Variants in MACROD1 observed in about 807,000 individuals in gnomAD.
MACROD1 encodes the protein mono-ADP ribosylhydrolase 1, also known as ADP-ribose glycohydrolase MACROD1.
A neutral mutation model predicts 41.4 loss-of-function variants in MACROD1; 31 were observed. That is an observed-to-expected ratio of 0.75 (90% CI 0.56 to 1.01). The LOEUF (loss-of-function observed/expected upper bound fraction) is 1.01. MACROD1 is among the 50% of genes least tolerant of loss of function. The pLI, the probability that MACROD1 is intolerant of heterozygous loss-of-function variation, is 0.00. For synonymous variants in MACROD1, 252 were observed against 203.4 expected (o/e 1.24, Z -2.03); for missense variants, 473 against 460.0 (o/e 1.03, Z -0.26).
chr11:64,077,272 G>A (rs1234444068), intron 3 of MACROD1, among the ~76,000 whole-genome samples: 1 of 152,180 alleles, frequency 6.6e-6, no homozygotes, highest in African/African-American at 2.4e-5. Flanking sequence ...GGTACCCCAG[G>A]CGGCCAGCTG....
At chr11:64,057,663 G>A (rs1020950480) in intron 3 of MACROD1, among the ~76,000 whole-genome samples, 2 of 152,222 alleles carry the variant, frequency 1.3e-5, no homozygotes, top group Admixed American at 1.3e-4. Flanking sequence ...GGGGGCTACA[G>A]GGTCCCCAGG....
At chr11:64,079,658 G>A (rs566246380) in intron 3 of MACROD1, among the ~76,000 whole-genome samples, 1 of 152,300 alleles carries the variant, frequency 6.6e-6, no homozygotes, top group East Asian at 1.9e-4. Context: ...CAAAGCCTGT[G>A]GGAGCAGAGA....
chr11:64,105,493 G>A lies in MACROD1; in HGVS notation c.517+45746C>T, dbSNP rs192646426. Among the ~76,000 whole-genome samples, 8 of 152,296 alleles carry A rather than the reference G, an allele frequency of 5.3e-5. No individual in the cohort carries two copies. The East Asian group carries it at 1.3e-3, about 26-fold the overall frequency. ...CCCTCCCTGTATGCCTCCCCTTTCT[G>A]CACTGGGGATGCAGCCTGTCCCCTC... On this transcript the variant is annotated intron_variant, in intron 3 of 10. Transcript: ENST00000255681.
Position 64,024,232 on chromosome 11 carries a change from A to AC in MACROD1, c.518-8952dup, listed in dbSNP as rs1259921492. 2.6e-5 allele frequency among the ~76,000 whole-genome samples: 4 copies of AC among 152,350 alleles called. No individual in the cohort carries two copies. In the South Asian group the frequency reaches 8.3e-4, roughly 32 times the overall value. On this transcript the variant is annotated intron_variant, in intron 3 of 10. Transcript: ENST00000255681. ...CGCCCCATTCCCATGGCCCTGAAGG[A>AC]CCTTCCAGACTTTAAAACGAAACAA... is the stretch of plus-strand genomic sequence containing the variant.
intron 1 of MACROD1, among the ~76,000 whole-genome samples, chr11:64,163,307 A>AT (rs992667108): frequency 3.3e-5 from 5 of 152,180 alleles, no homozygotes; most frequent in Non-Finnish European, 4.4e-5. Flanking sequence ...TCAAAAAAAA[A>AT]TTTTTTTAAG....
chr11:64,029,474 G>A (rs569995601), intron 3 of MACROD1, among the ~76,000 whole-genome samples: 1 of 152,168 alleles, frequency 6.6e-6, no homozygotes, highest in East Asian at 1.9e-4. Context: ...GATGTCTTGG[G>A]GCTGCCACCC....
At chr11:64,062,164 T>C (rs1030569088) in intron 3 of MACROD1, among the ~76,000 whole-genome samples, 1 of 152,074 alleles carries the variant, frequency 6.6e-6, no homozygotes, top group Non-Finnish European at 1.5e-5. Context: ...CAGGGATTCC[T>C]CTGGCTGAGC....
intron 4 of MACROD1, among the ~76,000 whole-genome samples, chr11:64,007,328 C>T (rs1942930059): frequency 6.6e-6 from 1 of 152,122 alleles, no homozygotes; most frequent in Non-Finnish European, 1.5e-5. Context: ...TGGAGCTGGC[C>T]CCGAGGAAGG....
At chr11:64,018,135 C>T (rs531472946) in intron 3 of MACROD1, among the ~76,000 whole-genome samples, 1 of 152,262 alleles carries the variant, frequency 6.6e-6, no homozygotes, top group East Asian at 1.9e-4. Flanking sequence ...GGATTTGCCA[C>T]AGGCAGGAGA....
At chr11:64,001,715 G>A (rs1174450595) in intron 4 of MACROD1, 1 of 702,348 alleles carries the variant, frequency 1.4e-6, no homozygotes, top group South Asian at 1.5e-5. Context: ...CTCCTCTGCA[G>A]GGAGAAAGGC....
chr11:64,117,362 C>T, intron 3 of MACROD1: 1 of 1,613,412 alleles, frequency 6.2e-7, no homozygotes, highest in East Asian at 2.2e-5. Context: ...AGGTCCGGGG[C>T]ATGGCCATCA....
chr11:64,049,093 GGGTGA>G (rs1943641993), intron 3 of MACROD1, among the ~76,000 whole-genome samples: 1 of 152,202 alleles, frequency 6.6e-6, no homozygotes, highest in Non-Finnish European at 1.5e-5. Context: ...TGCACTTTGT[GGGTGA>G]GGTATTACAT....
chr11:64,015,230 C>G, intron 4 of MACROD1, 22 bp downstream of exon 4: 1 of 1,591,154 alleles, frequency 6.3e-7, no homozygotes, highest in Non-Finnish European at 8.6e-7. Flanking sequence ...CCCACCCCCA[C>G]CAAGACAGAA....
chr11:64,160,437 G>A (rs1945736540), intron 1 of MACROD1, among the ~76,000 whole-genome samples: 1 of 152,180 alleles, frequency 6.6e-6, no homozygotes, highest in Non-Finnish European at 1.5e-5. Context: ...GATCCTCTCA[G>A]GCAGACAAGT....
Position 64,145,102 on chromosome 11 carries a change from G to A in MACROD1, c.517+6137C>T, listed in dbSNP as rs146531117. ...GGCTGCCGGTGCTTGGGAGGAGGGC[G>A]GTGATAAGCGGCCAGCAGATTCTCA... On this transcript the variant is annotated intron_variant, in intron 3 of 10. Coordinates refer to ENST00000255681, the MANE Select transcript of MACROD1 (RefSeq NM_014067.4). 4.9e-3 allele frequency among the ~76,000 whole-genome samples: 748 copies of A among 152,334 alleles called. 1 individual carries two copies. Among genetic ancestry groups the A allele is most frequent in the Middle Eastern group, 0.014 (4 of 294 alleles).
chr11:64,131,047 G>A (rs1945258112), intron 3 of MACROD1, among the ~76,000 whole-genome samples: 1 of 152,234 alleles, frequency 6.6e-6, no homozygotes, highest in East Asian at 1.9e-4. Flanking sequence ...GTAATTTACT[G>A]CCACCCAGAA....
chr11:64,053,904 T>TC (rs553073306), intron 3 of MACROD1, among the ~76,000 whole-genome samples: 79 of 151,744 alleles, frequency 5.2e-4, no homozygotes, highest in African/African-American at 1.7e-3. Context: ...GCTTCCGTCA[T>TC]CCCCCCCACC....
Position 64,067,534 on chromosome 11 carries a change from T to TC in MACROD1, c.518-52254dup, listed in dbSNP as rs1239035669. On this transcript the variant is annotated intron_variant, in intron 3 of 10. Transcript: ENST00000255681. The surrounding 1 kb of genome is among the most constrained non-coding windows in gnomAD (Gnocchi z 4.6). ...GGCACCTCCCCAACTCCCCAGCCCC[T>TC]CCCCCTGGGGCTCAGGGACCCAAAG... is the stretch of plus-strand genomic sequence containing the variant. 6.6e-6 allele frequency among the ~76,000 whole-genome samples: 1 copy of TC among 151,750 alleles called. No homozygotes were observed. The highest frequency in any genetic ancestry group is 1.5e-5 in the Non-Finnish European group (1 of 67,918).
At chr11:64,075,537 G>T (rs1306428474) in intron 3 of MACROD1, among the ~76,000 whole-genome samples, 2 of 152,276 alleles carry the variant, frequency 1.3e-5, no homozygotes, top group Admixed American at 1.3e-4. Flanking sequence ...AACAGGCAGA[G>T]GTGGAGGGAT....
Sources: gnomAD v4.1 joint callset for allele counts (sites outside exome capture counted in the v4.1 genomes callset) on GRCh38, gnomAD v4.1.1 for gene constraint, Gnocchi (gnomAD v3.1) non-coding constraint, MANE v1.5 for transcripts, NCBI Gene and HGNC (gene_info 2026-07-23, HGNC 2026-07-21) for gene names.